EIF2D: variants seen among roughly 807,000 people sequenced by gnomAD.
EIF2D encodes the protein eukaryotic translation initiation factor 2D.
A neutral mutation model predicts 77.4 loss-of-function variants in EIF2D; 56 were observed. The observed-to-expected ratio is 0.72, with a 90% CI of 0.58 to 0.90. The LOEUF (loss-of-function observed/expected upper bound fraction) is 0.90. Among genes scored for constraint, EIF2D ranks in the 40% least tolerant of loss-of-function variants. The pLI, the probability that EIF2D is intolerant of heterozygous loss-of-function variation, is 0.00. For synonymous variants in EIF2D, 230 were observed against 271.0 expected, an observed-to-expected ratio of 0.85 and a Z score of 1.49; for missense variants, 574 against 706.5, an observed-to-expected ratio of 0.81 and a Z score of 2.13.
intron 2 of EIF2D, among the ~76,000 whole-genome samples, chr1:206,582,791 T>C (rs1244264780): frequency 6.6e-6 from 1 of 152,234 alleles, no homozygotes; most frequent in Non-Finnish European, 1.5e-5. Context: ...TAGTATATAC[T>C]GGCACCATGG....
At chr1:206,593,489 G>GCA in intron 14 of EIF2D, 130 bp downstream of exon 14, 1 of 311,210 alleles carries the variant, frequency 3.2e-6, no homozygotes. Flanking sequence ...GAGAGAGAGC[G>GCA]AGAGAGAGAG....
chr1:206,611,042 A>AG, intron 2 of EIF2D, 142 bp downstream of exon 2: 4 of 731,646 alleles, frequency 5.5e-6, no homozygotes, highest in Non-Finnish European at 8.6e-6. Flanking sequence ...TAGGAACACC[A>AG]GGTCCATAAA....
downstream of EIF2D, among the ~76,000 whole-genome samples, chr1:206,570,466 A>G (rs1553404039): frequency 6.6e-6 from 1 of 152,082 alleles, no homozygotes; most frequent in Non-Finnish European, 1.5e-5. Flanking sequence ...AACCATCACG[A>G]CCATCCATTT....
At chr1:206,570,814 G>T (rs1167199298), downstream of EIF2D, among the ~76,000 whole-genome samples, 2 of 152,068 alleles carry the variant, frequency 1.3e-5, no homozygotes, top group Non-Finnish European at 2.9e-5. Context: ...TGGACACTTG[G>T]GTTTCATCCA....
At chr1:206,596,355 T>C (rs150943809) in intron 12 of EIF2D, among the ~76,000 whole-genome samples, 1 of 152,236 alleles carries the variant, frequency 6.6e-6, no homozygotes, top group Non-Finnish European at 1.5e-5. Flanking sequence ...ACAGTAAATA[T>C]TTTTGGTTTT....
chr1:206,583,260 C>G (rs1014307238), intron 2 of EIF2D: 8 of 1,588,882 alleles, frequency 5.0e-6, no homozygotes, highest in Non-Finnish European at 6.0e-6. Flanking sequence ...ACTTCTGTGT[C>G]TCTTCCAGAA....
chr1:206,609,519 GA>G, intron 2 of EIF2D, 60 bp from the exon 3 acceptor site: 1 of 1,376,360 alleles, frequency 7.3e-7, no homozygotes, highest in Non-Finnish European at 1.0e-6. Flanking sequence ...TAGAGAAATG[GA>G]AAAACCTAAC....
chr1:206,578,196 C>T (rs1396514562), intron 4 of EIF2D, among the ~76,000 whole-genome samples: 1 of 149,150 alleles, frequency 6.7e-6, no homozygotes. Flanking sequence ...AGTGCACTCT[C>T]GACTGGGTGA....
At chr1:206,583,154 C>A in intron 2 of EIF2D, 1 of 711,312 alleles carries the variant, frequency 1.4e-6, no homozygotes, top group Non-Finnish European at 2.5e-6. Flanking sequence ...TAGTTCCACT[C>A]TGCAGGGCTG....
At chr1:206,586,732 G>T, downstream of EIF2D, 2 of 940,346 alleles carry the variant, frequency 2.1e-6, no homozygotes, top group Non-Finnish European at 3.3e-6. Flanking sequence ...ATGTGAACTG[G>T]GAAGGGGAAG....
downstream of EIF2D, among the ~76,000 whole-genome samples, chr1:206,569,185 T>G (rs181911767): frequency 6.6e-6 from 1 of 152,220 alleles, no homozygotes; most frequent in Non-Finnish European, 1.5e-5. Context: ...TTATTTAACG[T>G]GTATTCGCGG....
chr1:206,571,007 A>G (rs550362844), downstream of EIF2D, among the ~76,000 whole-genome samples: 91 of 152,328 alleles, frequency 6.0e-4, no homozygotes, highest in African/African-American at 2.2e-3. Flanking sequence ...GAGGATCACC[A>G]TACCATTTTC....
At chr1:206,611,440 A>C (rs1670494036) in intron 1 of EIF2D, 66 bp from the exon 2 acceptor site, 2 of 1,394,050 alleles carry the variant, frequency 1.4e-6, no homozygotes, top group Non-Finnish European at 2.0e-6. Context: ...TCAAGAACGA[A>C]CTCAAAAGTG....
Position 206,611,355 on chromosome 1 carries a change from C to T in EIF2D, c.76G>A (p.Val26Met). 4 of 1,613,866 alleles carry T rather than the reference C, an allele frequency of 2.5e-6. No homozygotes were observed. The highest frequency in any genetic ancestry group is 3.4e-6 in the Non-Finnish European group (4 of 1,179,804). Residue 26 changes from valine (V) to methionine (M), a missense_variant, in exon 2 of 15, where the codon GTG becomes ATG. Physicochemically the swap from Val to Met is conservative, Grantham distance 21. Coordinates refer to ENST00000271764, the MANE Select transcript of EIF2D (RefSeq NM_006893.3). ...GSDRRKLRADVTTAFPTLGTD... is the reference protein window; with the variant it reads ...GSDRRKLRADMTTAFPTLGTD... ...CCAAGGGTGGGGAAAGCAGTTGTCA[C>T]ATCAGCTCGAAGCTTTCTCCTGTGG... is the stretch of plus-strand genomic sequence containing the variant.
intron 6 of EIF2D, 135 bp from the exon 7 acceptor site, chr1:206,602,588 C>T: frequency 1.3e-6 from 1 of 789,494 alleles, no homozygotes; most frequent in Non-Finnish European, 2.1e-6. Context: ...CCAAAGCTCC[C>T]AGCCTCTCTT....
intron 4 of EIF2D, among the ~76,000 whole-genome samples, chr1:206,578,449 C>A (rs114312170): frequency 6.6e-6 from 1 of 152,096 alleles, no homozygotes; most frequent in African/African-American, 2.4e-5. Context: ...GTGCACGGTA[C>A]ATATTAGCTG....
rs139982831 is a variant in EIF2D, at chr1:206,577,259, C to T, written c.*254+3433G>A. Among the ~76,000 whole-genome samples the T allele has an allele frequency of 3.9e-5, 6 of 152,270 alleles. No individual in the cohort carries two copies. In the East Asian group the frequency reaches 5.8e-4, roughly 15 times the overall value. The stretch of plus-strand genomic sequence containing the variant: ...CTTTACAGAAAAAGTTTGCCAACCA[C>T]TGGTGCAGAGAAAGGAATTAACAAA... On this transcript the variant is annotated intron_variant and NMD_transcript_variant, in intron 4 of 5. Coordinates refer to the EIF2D transcript ENST00000472709.
chr1:206,575,524 G>A (rs769617486), intron 4 of EIF2D, among the ~76,000 whole-genome samples: 1 of 152,150 alleles, frequency 6.6e-6, no homozygotes, highest in Admixed American at 6.5e-5. Flanking sequence ...AAGTAAAGTC[G>A]TGGCGGTTAG....
At chr1:206,597,049 ATT>A (rs1553410246) in intron 12 of EIF2D, 49 bp downstream of exon 12, 2 of 1,383,042 alleles carry the variant, frequency 1.4e-6, no homozygotes, top group South Asian at 2.3e-5. Context: ...TGTGATCAAC[ATT>A]AAGGCGAGGG....
Sources: allele counts gnomAD v4.1 joint callset (sites outside exome capture counted in the v4.1 genomes callset), GRCh38; gene constraint gnomAD v4.1.1; transcripts MANE v1.5; gene names NCBI Gene and HGNC (gene_info 2026-07-23, HGNC 2026-07-21).